The following CTTNBP2 variants were observed in gnomAD, a reference collection of about 807,000 sequenced individuals.
The protein encoded by CTTNBP2 is cortactin binding protein 2, also known as cortactin-binding protein 2.
CTTNBP2 carries 108 observed loss-of-function variants against 156.9 expected under a neutral mutation model. That is an observed-to-expected ratio of 0.69 (90% CI 0.59 to 0.81). The LOEUF (loss-of-function observed/expected upper bound fraction) is 0.81, where lower values mean the gene tolerates loss of function less well. CTTNBP2 is among the 30% of genes least tolerant of loss of function. CTTNBP2 has a pLI of 0.00. For missense variants in CTTNBP2, 1,924 were observed against 2,035.4 expected (o/e 0.95, Z 1.05); for synonymous variants, 767 against 751.8 (o/e 1.02, Z -0.33).
chr7:117,753,175 G>C (rs1009250644), intron 12 of CTTNBP2, among the ~76,000 whole-genome samples: 1 of 152,150 alleles, frequency 6.6e-6, no homozygotes, highest in African/African-American at 2.4e-5. Context: ...CTGATCATTA[G>C]AGAAATGCAA....
intron 16 of CTTNBP2, 84 bp downstream of exon 16, chr7:117,734,829 G>C (rs1202245490): frequency 1.6e-5 from 17 of 1,071,670 alleles, no homozygotes; most frequent in Middle Eastern, 2.6e-4. Flanking sequence ...TGCATAGTTA[G>C]TGAGTGGTGG....
At chr7:117,832,834 C>A (rs1055138966) in intron 2 of CTTNBP2, among the ~76,000 whole-genome samples, 4 of 149,780 alleles carry the variant, frequency 2.7e-5, no homozygotes, top group African/African-American at 9.9e-5. Context: ...GCAACCTCTG[C>A]CTCCTGGGTT....
At chr7:117,726,135 T>A (rs943247915) in intron 17 of CTTNBP2, among the ~76,000 whole-genome samples, 6 of 152,230 alleles carry the variant, frequency 3.9e-5, no homozygotes, top group African/African-American at 1.4e-4. Context: ...ACAGTGGGAC[T>A]GCAGCCCAAA....
chr7:117,771,062 G>A (rs1797771793), intron 8 of CTTNBP2, among the ~76,000 whole-genome samples: 1 of 152,186 alleles, frequency 6.6e-6, no homozygotes, highest in Non-Finnish European at 1.5e-5. Context: ...TCCCTGCAAT[G>A]GGGACTGGAG....
At chr7:117,833,102 G>A (rs1367101094) in intron 2 of CTTNBP2, among the ~76,000 whole-genome samples, 2 of 151,986 alleles carry the variant, frequency 1.3e-5, no homozygotes, top group African/African-American at 4.8e-5. Flanking sequence ...CTATCTCCCT[G>A]TACTAATCAC....
At chr7:117,797,817 C>A (rs1799405535) in intron 3 of CTTNBP2, among the ~76,000 whole-genome samples, 1 of 151,932 alleles carries the variant, frequency 6.6e-6, no homozygotes, top group African/African-American at 2.4e-5. Context: ...TAGGGCAATA[C>A]AAACTGGTTT....
At chr7:117,775,906 CAACAAAACTACTGCT>C (rs1203812596) in intron 8 of CTTNBP2, among the ~76,000 whole-genome samples, 1 of 152,090 alleles carries the variant, frequency 6.6e-6, no homozygotes, top group Non-Finnish European at 1.5e-5. Flanking sequence ...GGAAACAAAA[CAACAAAACTACTGCT>C]AACAAACAAT....
chr7:117,788,481 A>G, intron 4 of CTTNBP2, among the ~76,000 whole-genome samples: 1 of 152,188 alleles, frequency 6.6e-6, no homozygotes, highest in East Asian at 1.9e-4. Flanking sequence ...TCACAATGGA[A>G]TCAGTGGCTG....
At chr7:117,845,855 T>C (rs1036336817) in intron 2 of CTTNBP2, among the ~76,000 whole-genome samples, 2 of 152,132 alleles carry the variant, frequency 1.3e-5, no homozygotes, top group Admixed American at 1.3e-4. Context: ...TTAATTTTTT[T>C]TTCTTTTTTT....
intron 14 of CTTNBP2, among the ~76,000 whole-genome samples, chr7:117,739,493 C>A (rs1309685983): frequency 6.6e-6 from 1 of 152,206 alleles, no homozygotes; most frequent in Non-Finnish European, 1.5e-5. Context: ...TCCTCTCCTG[C>A]AGGTTGGTAA....
chr7:117,712,646 A>G (rs1794121780), intron 22 of CTTNBP2, among the ~76,000 whole-genome samples: 1 of 152,214 alleles, frequency 6.6e-6, no homozygotes, highest in Admixed American at 6.5e-5. Context: ...AATTTAAAAC[A>G]AAACTAAAAT....
rs149313452 is a variant in CTTNBP2, at chr7:117,792,721, G to A, written c.475C>T (p.Arg159Cys). Residue 159 changes from arginine to cysteine, a missense_variant, in exon 4 of 23, where the codon CGC (arginine) becomes TGC (cysteine). Coordinates refer to ENST00000160373, the MANE Select transcript of CTTNBP2 (RefSeq NM_033427.3). This position sits in a 1 kb window ranked among gnomAD's most constrained non-coding sequence, Gnocchi z 4.2. ...LEQEHKKLAA[R>C]LEEERGKNKQ... is the part of the protein sequence containing the mutation. ...TTCTTGCCACGCTCTTCCTCAAGGC[G>A]GGCAGCCAGCTTCTTGTGCTCTTGC... 9 of 1,608,596 alleles carry A rather than the reference G, an allele frequency of 5.6e-6. No individual in the cohort carries two copies. Among genetic ancestry groups the A allele is most frequent in the Admixed American group, 3.4e-5 (2 of 59,422 alleles).
At chr7:117,856,586 G>C (rs971294782) in intron 2 of CTTNBP2, among the ~76,000 whole-genome samples, 2 of 152,106 alleles carry the variant, frequency 1.3e-5, no homozygotes, top group African/African-American at 4.8e-5. Flanking sequence ...ATTTTTAAAA[G>C]TTTCAATGCA....
chr7:117,820,080 T>C (rs1010061787), intron 2 of CTTNBP2, among the ~76,000 whole-genome samples: 1 of 152,258 alleles, frequency 6.6e-6, no homozygotes, highest in East Asian at 1.9e-4. Context: ...ACACATTCAT[T>C]AGTGCTCATG....
At position 117,777,510 on chromosome 7, in the gene CTTNBP2, C is replaced by G. The variant is rs754235081; in HGVS notation, c.2778+1G>C. 5 of 1,612,410 alleles carry G rather than the reference C, an allele frequency of 3.1e-6. No individual in the cohort carries two copies. Among genetic ancestry groups the G allele is most frequent in the Non-Finnish European group, 3.4e-6 (4 of 1,179,644 alleles). ...ATGAGGCCAGCTGCTACCAGACACACCTTAAAACCTTTGGAAGCAGCAATG... is the reference window on the plus strand; with the variant it reads ...ATGAGGCCAGCTGCTACCAGACACAGCTTAAAACCTTTGGAAGCAGCAATG... On this transcript the variant is annotated splice_donor_variant, in intron 8 of 22. Coordinates refer to ENST00000160373, the MANE Select transcript of CTTNBP2 (RefSeq NM_033427.3). LOFTEE classifies it high-confidence loss of function.
intron 2 of CTTNBP2, among the ~76,000 whole-genome samples, chr7:117,851,228 C>A (rs1242777840): frequency 3.3e-5 from 5 of 151,506 alleles, no homozygotes; most frequent in Non-Finnish European, 7.4e-5. Context: ...CATAGCAAGA[C>A]CCTGTCTCTA....
At chr7:117,846,308 G>C (rs1802583647) in intron 2 of CTTNBP2, among the ~76,000 whole-genome samples, 2 of 152,072 alleles carry the variant, frequency 1.3e-5, no homozygotes, top group Non-Finnish European at 2.9e-5. Context: ...ACTAAAAATA[G>C]TTAAAATGCT....
rs116951736 is a variant in CTTNBP2 at position 117,828,942 on chromosome 7, A to T, written c.190-17953T>A. ...TGTAGTGTCTGCTCCAAAGGAGTTTAGCCCAAGACAGATGCTAATCATTTC... is the reference window on the plus strand; with the variant it reads ...TGTAGTGTCTGCTCCAAAGGAGTTTTGCCCAAGACAGATGCTAATCATTTC... On this transcript the variant is annotated intron_variant, in intron 2 of 22. Transcript: ENST00000160373. Among the ~76,000 whole-genome samples, 488 of 152,348 alleles carry T rather than the reference A, an allele frequency of 3.2e-3. 1 individual carries two copies. The highest frequency in any genetic ancestry group is 4.7e-3 in the Non-Finnish European group (323 of 68,028).
rs149153438 is a variant in CTTNBP2 at position 117,791,660 on chromosome 7, C to T, written c.1536G>A (p.Val512=). Residue 512 remains valine (V), a synonymous_variant, in exon 4 of 23, where the codon GTG becomes GTA. Coordinates refer to ENST00000160373, the MANE Select transcript of CTTNBP2 (RefSeq NM_033427.3). The stretch of plus-strand genomic sequence containing the variant: ...GGGTGCCAACATCCCCTGTTGGGGG[C>T]ACTCCAGGCCTTGAGGGAGCACCTG... ...PQAGAPSRPG[V]PPTGDVGTHP... 6 of 1,614,164 alleles carry T rather than the reference C, an allele frequency of 3.7e-6. No homozygotes were observed. Among genetic ancestry groups the T allele is most frequent in the East Asian group, 2.2e-5 (1 of 44,870 alleles).
Sources: gnomAD v4.1 joint callset for allele counts (sites outside exome capture counted in the v4.1 genomes callset) on GRCh38, gnomAD v4.1.1 for gene constraint, Gnocchi (gnomAD v3.1) non-coding constraint, MANE v1.5 for transcripts, NCBI Gene and HGNC (gene_info 2026-07-23, HGNC 2026-07-21) for gene names.